TMC1: variants seen among roughly 807,000 people sequenced by gnomAD.
TMC1 encodes the protein transmembrane channel-like protein 1.
TMC1 carries 84 observed loss-of-function variants against 105.8 expected under a neutral mutation model. The observed-to-expected ratio is 0.79, with a 90% CI of 0.67 to 0.95. The LOEUF (loss-of-function observed/expected upper bound fraction) is 0.95, where lower values mean the gene tolerates loss of function less well. Among genes scored for constraint, TMC1 ranks in the 40% least tolerant of loss-of-function variants. The probability of loss-of-function intolerance (pLI) is 0.00; values close to 1 mark genes in which losing one functional copy is unlikely to be tolerated. For synonymous variants in TMC1, 315 were observed against 311.5 expected, an observed-to-expected ratio of 1.01 and a Z score of -0.12; for missense variants, 817 against 914.1, an observed-to-expected ratio of 0.89 and a Z score of 1.37.
At chr9:72,641,199 T>A (rs1169287017) in intron 4 of TMC1, among the ~76,000 whole-genome samples, 1 of 152,156 alleles carries the variant, frequency 6.6e-6, no homozygotes, top group Non-Finnish European at 1.5e-5. Context: ...GTTCAAATGA[T>A]CCTCCTGCCT....
chr9:72,670,320 T>A (rs1300720548), intron 5 of TMC1, among the ~76,000 whole-genome samples: 1 of 152,110 alleles, frequency 6.6e-6, no homozygotes, highest in Non-Finnish European at 1.5e-5. Flanking sequence ...GGGTTTTGCT[T>A]CAGCAGTGAG....
Position 72,754,798 on chromosome 9 carries a change from T to C in TMC1, c.655T>C (p.Leu219=). The change falls in exon 12 of 24, where the codon TTG becomes CTG. Residue 219 remains leucine (L), a synonymous_variant. Coordinates refer to ENST00000297784, the MANE Select transcript of TMC1 (RefSeq NM_138691.3). The part of the protein sequence containing the change: ...LIMLPEYLWG[L]PYGSLPRKTV... Reference sequence around the variant, plus strand: ...CTTCTTCATACAGTACCTCTGGGGTTTGCCATATGGCAGTTTACCTAGGAA... The same window carrying C: ...CTTCTTCATACAGTACCTCTGGGGTCTGCCATATGGCAGTTTACCTAGGAA... 6.2e-7 allele frequency: 1 copy of C among 1,613,878 alleles called. No homozygotes were observed. Among genetic ancestry groups the C allele is most frequent in the Non-Finnish European group, 8.5e-7 (1 of 1,179,732 alleles).
chr9:72,607,133 A>G (rs75121157), intron 2 of TMC1, among the ~76,000 whole-genome samples: 6,440 of 151,926 alleles, frequency 0.042, 202 homozygotes, highest in Middle Eastern at 0.095. Flanking sequence ...TACATTGTAG[A>G]TACTCAATAA....
chr9:72,689,218 T>G (rs912463563), intron 6 of TMC1, among the ~76,000 whole-genome samples: 1 of 152,118 alleles, frequency 6.6e-6, no homozygotes, highest in Non-Finnish European at 1.5e-5. Flanking sequence ...TAGATTCTTC[T>G]TGGCCTCTCT....
At chr9:72,626,193 G>A (rs928787916) in intron 3 of TMC1, among the ~76,000 whole-genome samples, 1 of 152,174 alleles carries the variant, frequency 6.6e-6, no homozygotes, top group African/African-American at 2.4e-5. Flanking sequence ...GAGACCCTGA[G>A]GGAGAACTGC....
intron 8 of TMC1, among the ~76,000 whole-genome samples, chr9:72,705,816 T>C (rs1310796043): frequency 6.6e-6 from 1 of 152,216 alleles, no homozygotes; most frequent in Non-Finnish European, 1.5e-5. Flanking sequence ...CAAAAATGTT[T>C]ATTTAGCTAT....
chr9:72,774,679 C>T (rs968959997), intron 13 of TMC1, among the ~76,000 whole-genome samples: 2 of 152,252 alleles, frequency 1.3e-5, no homozygotes, highest in South Asian at 2.1e-4. Flanking sequence ...TTTGGCTGCT[C>T]CTTACCTGGT....
chr9:72,657,689 G>A lies in TMC1; in HGVS notation c.16+9025G>A, dbSNP rs137907525. Among the ~76,000 whole-genome samples the A allele has an allele frequency of 1.3e-3, 204 of 152,232 alleles. 1 individual carries two copies. Among genetic ancestry groups the A allele is most frequent in the African/African-American group, 4.7e-3 (195 of 41,566 alleles). On this transcript the variant is annotated intron_variant, in intron 5 of 23. Transcript: ENST00000297784. ...TGGTATGTTATAATCGGAAAAGATA[G>A]ATGAAATTCCGCTTTTGTCTAATGT... is the stretch of plus-strand genomic sequence containing the variant.
chr9:72,728,915 CT>C (rs1435360818), intron 8 of TMC1, among the ~76,000 whole-genome samples: 2 of 152,102 alleles, frequency 1.3e-5, no homozygotes, highest in Admixed American at 1.3e-4. Context: ...TAAAGCCCAG[CT>C]TGTTATTTTT....
rs1588085304 is a variant in TMC1 at position 72,791,888 on chromosome 9, G to A, written c.1227G>A (p.Met409Ile). 6.2e-7 allele frequency: 1 copy of A among 1,612,102 alleles called. No individual in the cohort carries two copies. The highest frequency in any genetic ancestry group is 1.1e-5 in the South Asian group (1 of 90,972). ...DTLGWWEKNE[M>I]NMVMSLLGMF... ...TTCTCCCTTGTGCCTCCTTGTAGAT[G>A]AACATGGTTATGTCCCTCCTAGGGA... The change falls in exon 16 of 24, where the codon ATG becomes ATA. Residue 409 changes from methionine to isoleucine, a missense_variant and splice_region_variant. Coordinates refer to ENST00000297784, the MANE Select transcript of TMC1 (RefSeq NM_138691.3).
At chr9:72,565,989 C>T (rs1038845981) in intron 1 of TMC1, among the ~76,000 whole-genome samples, 2 of 151,966 alleles carry the variant, frequency 1.3e-5, no homozygotes, top group Non-Finnish European at 1.5e-5. Flanking sequence ...TGCATGTGCA[C>T]GTATATAAAT....
chr9:72,669,672 G>A (rs1826098199), intron 5 of TMC1, among the ~76,000 whole-genome samples: 1 of 151,608 alleles, frequency 6.6e-6, no homozygotes, highest in Non-Finnish European at 1.5e-5. Flanking sequence ...AAGGGTAAGA[G>A]ATAGCTAGTC....
Position 72,551,201 on chromosome 9 carries a change from T to G in TMC1, c.-427-26701T>G, listed in dbSNP as rs200316292. Among the ~76,000 whole-genome samples the G allele has an allele frequency of 1.1e-4, 17 of 152,314 alleles. No homozygotes were observed. The East Asian group carries it at 3.3e-3, about 29-fold the overall frequency. On this transcript the variant is annotated intron_variant, in intron 1 of 23. Transcript: ENST00000297784. ...ACTGATTTTAGTCCGATGAGATTGA[T>G]TTTGAACTTCTGACTTCCAAAAACT...
chr9:72,579,992 A>C (rs1043011724), intron 2 of TMC1, among the ~76,000 whole-genome samples: 7 of 152,222 alleles, frequency 4.6e-5, no homozygotes, highest in African/African-American at 1.7e-4. Flanking sequence ...CATCTTCCCA[A>C]AGGTGCACAA....
At chr9:72,660,777 C>T (rs1396336880) in intron 5 of TMC1, among the ~76,000 whole-genome samples, 1 of 152,154 alleles carries the variant, frequency 6.6e-6, no homozygotes, top group Non-Finnish European at 1.5e-5. Context: ...CCTGTGGCTT[C>T]CCCGTATTAC....
chr9:72,749,025 G>A (rs1827536805), intron 10 of TMC1, among the ~76,000 whole-genome samples: 1 of 152,196 alleles, frequency 6.6e-6, no homozygotes, highest in South Asian at 2.1e-4. Context: ...TCAAATCTGA[G>A]AACTGGAGTT....
At chr9:72,778,833 T>C (rs759439134) in intron 13 of TMC1, among the ~76,000 whole-genome samples, 2 of 152,146 alleles carry the variant, frequency 1.3e-5, no homozygotes, top group Non-Finnish European at 2.9e-5. Context: ...AAGGCCATCA[T>C]CATAGCTTCT....
At chr9:72,714,819 G>C (rs1826892332) in intron 8 of TMC1, among the ~76,000 whole-genome samples, 1 of 152,148 alleles carries the variant, frequency 6.6e-6, no homozygotes, top group Admixed American at 6.5e-5. Flanking sequence ...GATGCTGGAT[G>C]GTTATTTTGC....
chr9:72,684,861 G>A (rs924788947), intron 5 of TMC1, among the ~76,000 whole-genome samples: 1 of 152,104 alleles, frequency 6.6e-6, no homozygotes, highest in Non-Finnish European at 1.5e-5. Context: ...ATCCTACAGG[G>A]ATGACATGGG....
Sources: gnomAD v4.1 joint callset for allele counts (sites outside exome capture counted in the v4.1 genomes callset) on GRCh38, gnomAD v4.1.1 for gene constraint, MANE v1.5 for transcripts, NCBI Gene and HGNC (gene_info 2026-07-23, HGNC 2026-07-21) for gene names.